Variants in MB21D2 observed in about 807,000 individuals in gnomAD.
The protein encoded by MB21D2 is nucleotidyltransferase MB21D2.
In MB21D2, 9 loss-of-function variants were observed where a neutral mutation model predicts 33.3. The ratio of observed to expected loss-of-function variants is 0.27; its 90% confidence interval spans 0.16 to 0.47. MB21D2 has a LOEUF of 0.47. MB21D2 is among the 20% of genes least tolerant of loss of function. MB21D2 has a pLI of 0.99. For synonymous variants in MB21D2, 241 were observed against 236.3 expected (o/e 1.02, Z -0.18); for missense variants, 540 against 624.6 (o/e 0.86, Z 1.44).
intron 1 of MB21D2, among the ~76,000 whole-genome samples, chr3:192,818,013 CCTCTA>C (rs1437229930): frequency 1.3e-5 from 2 of 151,658 alleles, no homozygotes; most frequent in African/African-American, 4.9e-5. Context: ...AGTCCCCAAG[CCTCTA>C]CTTGTTCTCT....
chr3:192,828,591 C>CCTT (rs577556016), intron 1 of MB21D2, among the ~76,000 whole-genome samples: 1 of 54,132 alleles, frequency 1.8e-5, no homozygotes, highest in Non-Finnish European at 3.9e-5. Context: ...TCACCCCCCC[C>CCTT]ATATATATAT....
chr3:192,872,546 A>G (rs1713331829), intron 1 of MB21D2, among the ~76,000 whole-genome samples: 1 of 149,782 alleles, frequency 6.7e-6, no homozygotes, highest in African/African-American at 2.5e-5. Flanking sequence ...ACTGCACTCC[A>G]GCCTGGGCCA....
chr3:192,805,420 A>G (rs577455102), intron 1 of MB21D2, among the ~76,000 whole-genome samples: 39 of 152,354 alleles, frequency 2.6e-4, no homozygotes, highest in African/African-American at 9.4e-4. Context: ...TTATATGTCA[A>G]AGAGTCTGCT....
At chr3:192,832,367 A>C (rs1167999948) in intron 1 of MB21D2, among the ~76,000 whole-genome samples, 1 of 152,264 alleles carries the variant, frequency 6.6e-6, no homozygotes, top group Non-Finnish European at 1.5e-5. Flanking sequence ...GAAAGATTTT[A>C]CTGAAGGCCA....
chr3:192,808,390 T>C (rs901911890), intron 1 of MB21D2, among the ~76,000 whole-genome samples: 6 of 152,084 alleles, frequency 3.9e-5, no homozygotes, highest in Non-Finnish European at 5.9e-5. Flanking sequence ...GCCTGAAAAA[T>C]GGAAAATTCA....
At chr3:192,916,042 C>T (rs921990079) in intron 1 of MB21D2, among the ~76,000 whole-genome samples, 19 of 151,100 alleles carry the variant, frequency 1.3e-4, no homozygotes, top group Non-Finnish European at 2.4e-4. Flanking sequence ...ACTGTGTTGG[C>T]TTTTGGCTTT....
chr3:192,823,052 G>A (rs184848622), intron 1 of MB21D2, among the ~76,000 whole-genome samples: 5 of 152,072 alleles, frequency 3.3e-5, no homozygotes, highest in Non-Finnish European at 5.9e-5. Context: ...AATAAAATAC[G>A]CCATATCTGA....
intron 1 of MB21D2, among the ~76,000 whole-genome samples, chr3:192,808,943 T>G (rs536385604): frequency 6.6e-6 from 1 of 152,364 alleles, no homozygotes; most frequent in South Asian, 2.1e-4. Context: ...GCTGAGTTTA[T>G]AGTACACATT....
chr3:192,844,731 C>T (rs980017675), intron 1 of MB21D2, among the ~76,000 whole-genome samples: 1 of 152,206 alleles, frequency 6.6e-6, no homozygotes, highest in African/African-American at 2.4e-5. Context: ...CACCCTTTCC[C>T]ATCAACCTGA....
intron 1 of MB21D2, among the ~76,000 whole-genome samples, chr3:192,836,174 A>G (rs1388262690): frequency 6.6e-6 from 1 of 152,182 alleles, no homozygotes; most frequent in Admixed American, 6.5e-5. Flanking sequence ...CCTTGAAGGT[A>G]GCATTCTGTG....
At chr3:192,850,353 G>A (rs1712772198) in intron 1 of MB21D2, among the ~76,000 whole-genome samples, 1 of 152,220 alleles carries the variant, frequency 6.6e-6, no homozygotes, top group South Asian at 2.1e-4. Flanking sequence ...AGCTCCAGCA[G>A]AGTAACAGAG....
intron 1 of MB21D2, among the ~76,000 whole-genome samples, chr3:192,904,362 G>C (rs1267659021): frequency 6.6e-6 from 1 of 152,110 alleles, no homozygotes; most frequent in African/African-American, 2.4e-5. Flanking sequence ...CAGATCAGAG[G>C]CGATAAGTTG....
rs760663135 is a variant in MB21D2 at position 192,878,898 on chromosome 3, G to A, written c.211+38732C>T. Among the ~76,000 whole-genome samples the A allele has an allele frequency of 2.6e-5, 4 of 152,234 alleles. No homozygotes were observed. In the East Asian group the frequency reaches 7.7e-4, roughly 29 times the overall value. ...AGAATTGCTTGAACCCGGGATGTGG[G>A]GTTTGCAGTGAGTCAAGACTGTGCC... is the stretch of plus-strand genomic sequence containing the variant. On this transcript the variant is annotated intron_variant, in intron 1 of 1. Transcript: ENST00000392452.
chr3:192,855,314 G>A (rs148246987), intron 1 of MB21D2, among the ~76,000 whole-genome samples: 2,659 of 152,226 alleles, frequency 0.017, 40 homozygotes, highest in Non-Finnish European at 0.029. Context: ...GGCAAGGCTG[G>A]TCTCTAACTC....
chr3:192,917,413 G>A (rs1473940273), intron 1 of MB21D2, among the ~76,000 whole-genome samples: 1 of 152,210 alleles, frequency 6.6e-6, no homozygotes, highest in African/African-American at 2.4e-5. Flanking sequence ...GGGGGAAAGG[G>A]AGACCCGGCG....
chr3:192,828,187 G>A (rs1179621241), intron 1 of MB21D2, among the ~76,000 whole-genome samples: 5 of 152,012 alleles, frequency 3.3e-5, no homozygotes, highest in African/African-American at 1.2e-4. Flanking sequence ...TGTGAAAATG[G>A]ACTAATACGA....
intron 1 of MB21D2, among the ~76,000 whole-genome samples, chr3:192,829,482 C>T (rs1459903168): frequency 1.3e-5 from 2 of 152,200 alleles, no homozygotes; most frequent in South Asian, 2.1e-4. Context: ...TACCATTCTG[C>T]ATTCCTACCA....
rs1188323567 is a variant in MB21D2, at chr3:192,798,733, A to G, written c.1129T>C (p.Tyr377His). 3.7e-6 allele frequency: 6 copies of G among 1,613,458 alleles called. No individual in the cohort carries two copies. The Admixed American group carries it at 1.0e-4, about 27-fold the overall frequency. ...AGCATGTTGCACTGAGGGATGAAATAATTGGGGCACATCTTGTTGACCAGA... is the reference window on the plus strand; with the variant it reads ...AGCATGTTGCACTGAGGGATGAAATGATTGGGGCACATCTTGTTGACCAGA... ...HCLVNKMCPN[Y>H]FIPQCNMLEH... Residue 377 changes from tyrosine to histidine, a missense_variant, in exon 2 of 2, where the codon TAT (tyrosine) becomes CAT (histidine). Tyr to His is a moderately conservative substitution (Grantham distance 83). Transcript: ENST00000392452. This position sits in a 1 kb window ranked among gnomAD's most constrained non-coding sequence, Gnocchi z 4.8.
chr3:192,807,218 A>G (rs2108610564), intron 1 of MB21D2, among the ~76,000 whole-genome samples: 1 of 152,272 alleles, frequency 6.6e-6, no homozygotes, highest in East Asian at 1.9e-4. Context: ...AAGACCCAAT[A>G]GAGAGTCTTA....
Sources: allele counts gnomAD v4.1 joint callset (sites outside exome capture counted in the v4.1 genomes callset), GRCh38; gene constraint gnomAD v4.1.1; non-coding constraint Gnocchi (gnomAD v3.1); transcripts MANE v1.5; gene names NCBI Gene and HGNC (gene_info 2026-07-23, HGNC 2026-07-21).